Variants in GTF2I observed in about 807,000 individuals in gnomAD.
The protein encoded by GTF2I is general transcription factor II-I.
A neutral mutation model predicts 67.6 loss-of-function variants in GTF2I; 12 were observed. The observed-to-expected ratio is 0.18, with a 90% CI of 0.11 to 0.29. The LOEUF (loss-of-function observed/expected upper bound fraction) is 0.29, where lower values mean the gene tolerates loss of function less well. Among genes scored for constraint, GTF2I ranks in the 10% least tolerant of loss-of-function variants. GTF2I has a pLI of 1.00. For synonymous variants in GTF2I, 149 were observed against 197.0 expected (o/e 0.76, Z 2.04); for missense variants, 271 against 580.1 (o/e 0.47, Z 5.47).
chr7:74,664,137 A>T (rs1804763536), intron 1 of GTF2I, among the ~76,000 whole-genome samples: 1 of 152,136 alleles, frequency 6.6e-6, no homozygotes, highest in Non-Finnish European at 1.5e-5. Flanking sequence ...ATCCTGTAAA[A>T]ATTGTGTGGG....
chr7:74,732,233 G>A (rs1199216732), intron 14 of GTF2I, among the ~76,000 whole-genome samples: 1 of 151,052 alleles, frequency 6.6e-6, no homozygotes, highest in African/African-American at 2.4e-5. Context: ...AATTAGCTGG[G>A]CGTGGTGGCG....
At chr7:74,717,031 C>T in intron 11 of GTF2I, 81 bp downstream of exon 11, 1 of 1,513,324 alleles carries the variant, frequency 6.6e-7, no homozygotes, top group South Asian at 1.2e-5. Flanking sequence ...ATCCTTAAAA[C>T]ACCTTATTTG....
At chr7:74,694,256 T>C (rs2131308481) in intron 3 of GTF2I, among the ~76,000 whole-genome samples, 1 of 151,888 alleles carries the variant, frequency 6.6e-6, no homozygotes. Flanking sequence ...AGAAGAAAAA[T>C]TGGAAGCTAG....
chr7:74,670,939 T>A (rs1189881412), intron 1 of GTF2I, among the ~76,000 whole-genome samples: 1 of 152,096 alleles, frequency 6.6e-6, no homozygotes, highest in Non-Finnish European at 1.5e-5. Flanking sequence ...AAATGGTGTC[T>A]TAAACTGTGG....
rs142893538 is a variant in GTF2I, at chr7:74,724,394, A to G, written c.944-4392A>G. Among the ~76,000 whole-genome samples, 118 of 152,324 alleles carry G rather than the reference A, an allele frequency of 7.7e-4. 2 individuals carry two copies. The highest frequency in any genetic ancestry group is 2.6e-3 in the African/African-American group (108 of 41,572). On this transcript the variant is annotated intron_variant, in intron 12 of 34. Transcript: ENST00000573035. ...AGCTAAGAGTATCAGAACATATTGT[A>G]ACATAGTCTATTTATTGATTCACCG...
intron 1 of GTF2I, among the ~76,000 whole-genome samples, chr7:74,675,594 C>T (rs147153726): frequency 6.6e-6 from 1 of 151,850 alleles, no homozygotes; most frequent in Non-Finnish European, 1.5e-5. Flanking sequence ...ACTTAAATAC[C>T]ATTATAGTTG....
At chr7:74,687,976 A>G (rs587656080) in intron 1 of GTF2I, among the ~76,000 whole-genome samples, 1 of 152,236 alleles carries the variant, frequency 6.6e-6, no homozygotes, top group African/African-American at 2.4e-5. Flanking sequence ...TGCTATTTAC[A>G]GAAAACCTTT....
At chr7:74,719,070 T>G (rs2131441429) in intron 12 of GTF2I, 129 bp downstream of exon 12, 1 of 542,370 alleles carries the variant, frequency 1.8e-6, no homozygotes, top group Non-Finnish European at 3.2e-6. Flanking sequence ...CATGTGTCTG[T>G]GTGGCCAAAG....
chr7:74,673,638 C>G (rs1805647282), intron 1 of GTF2I, among the ~76,000 whole-genome samples: 1 of 151,242 alleles, frequency 6.6e-6, no homozygotes, highest in African/African-American at 2.4e-5. Flanking sequence ...CTCGCCCTCC[C>G]AAAGTGTTGA....
intron 1 of GTF2I, among the ~76,000 whole-genome samples, chr7:74,661,568 A>C (rs1584052344): frequency 6.6e-6 from 1 of 152,010 alleles, no homozygotes; most frequent in African/African-American, 2.4e-5. Context: ...AGTTTCAGCT[A>C]CTTGGGGAGG....
Position 74,705,553 on chromosome 7 carries a change from C to CT in GTF2I, c.641+350dup, listed in dbSNP as rs11439887. On this transcript the variant is annotated intron_variant, in intron 7 of 34. Transcript: ENST00000573035. Reference sequence around the variant, plus strand: ...AAAGTACTAAGTTCAGTTGGTAACTCTTTTTTTTTTTTTTTATTTTTGAGA... The same window carrying CT: ...AAAGTACTAAGTTCAGTTGGTAACTCTTTTTTTTTTTTTTTTATTTTTGAGA... Among the ~76,000 whole-genome samples the CT allele has an allele frequency of 8.9e-3, 1,262 of 141,454 alleles. 5 individuals carry two copies. The highest frequency in any genetic ancestry group is 0.013 in the Non-Finnish European group (873 of 64,718). The allele number at this position is 141,454 out of a possible 152,430, so 92.8% of individuals were successfully genotyped here. A position where few individuals can be genotyped will look rare whatever the true frequency, so the allele number is the denominator to read the frequency against.
At chr7:74,700,693 T>C in intron 6 of GTF2I, 59 bp downstream of exon 6, 1 of 1,430,178 alleles carries the variant, frequency 7.0e-7, no homozygotes, top group South Asian at 1.1e-5. Flanking sequence ...TAGATTTTCA[T>C]ACACTTTAAT....
chr7:74,723,123 GTTTTTTT>G (rs71098008), intron 12 of GTF2I, among the ~76,000 whole-genome samples: 1 of 132,216 alleles, frequency 7.6e-6, no homozygotes, highest in Non-Finnish European at 1.6e-5. Flanking sequence ...GGTGCTAAGA[GTTTTTTT>G]TTTTTTTTTT....
rs587594042 is a variant in GTF2I, at chr7:74,678,623, G to A, written c.-5-10501G>A. On this transcript the variant is annotated intron_variant, in intron 1 of 34. Coordinates refer to ENST00000573035, the MANE Select transcript of GTF2I (RefSeq NM_032999.4). ...GACTGAGTCTTCAGTCTTTTAGGTG[G>A]CGAGTCAAGGTTTTACTAATTTAAA... is the stretch of plus-strand genomic sequence containing the variant. Among the ~76,000 whole-genome samples, 5 of 152,190 alleles carry A rather than the reference G, an allele frequency of 3.3e-5. No homozygotes were observed. The East Asian group carries it at 9.6e-4, about 29-fold the overall frequency.
chr7:74,694,859 G>A (rs1425027867), intron 3 of GTF2I, among the ~76,000 whole-genome samples: 1 of 152,176 alleles, frequency 6.6e-6, no homozygotes, highest in Non-Finnish European at 1.5e-5. Flanking sequence ...AACGCCGCTG[G>A]TTACTTTGAA....
intron 5 of GTF2I, 84 bp downstream of exon 5, chr7:74,700,514 A>T: frequency 6.3e-7 from 1 of 1,596,642 alleles, no homozygotes; most frequent in South Asian, 1.1e-5. Flanking sequence ...TATTTTTAAA[A>T]TTCATATTTA....
At chr7:74,712,487 AGTGTGTGTGTGTGT>A (rs142200093) in intron 9 of GTF2I, among the ~76,000 whole-genome samples, 1,620 of 131,814 alleles carry the variant, frequency 0.012, 35 homozygotes, top group African/African-American at 0.034. Flanking sequence ...TTCTCCCGGG[AGTGTGTGTGTGTGT>A]GTGTGTGTGT....
intron 12 of GTF2I, among the ~76,000 whole-genome samples, chr7:74,722,979 A>G (rs1315171599): frequency 2.6e-5 from 4 of 152,098 alleles, no homozygotes; most frequent in African/African-American, 9.7e-5. Flanking sequence ...CAGTTGGACT[A>G]CCTACCATCC....
At chr7:74,663,932 C>T (rs1046874253) in intron 1 of GTF2I, among the ~76,000 whole-genome samples, 3 of 152,058 alleles carry the variant, frequency 2.0e-5, no homozygotes, top group Non-Finnish European at 2.9e-5. Context: ...TGGGTTCAAG[C>T]GATTCTCCTG....
Sources: allele counts gnomAD v4.1 joint callset (sites outside exome capture counted in the v4.1 genomes callset), GRCh38; gene constraint gnomAD v4.1.1; transcripts MANE v1.5; gene names NCBI Gene and HGNC (gene_info 2026-07-23, HGNC 2026-07-21).